ERG: variants seen among roughly 807,000 people sequenced by gnomAD.
The protein encoded by ERG is transcriptional regulator ERG.
ERG carries 9 observed loss-of-function variants against 55.3 expected under a neutral mutation model. That is an observed-to-expected ratio of 0.16 (90% CI 0.10 to 0.28). The LOEUF is 0.28. Ranked by LOEUF, ERG falls within the 10% of genes least tolerant of loss-of-function variation. The pLI is 1.00. For missense variants in ERG, 434 were observed against 631.6 expected, an observed-to-expected ratio of 0.69 and a Z score of 3.35; for synonymous variants, 223 against 237.3, an observed-to-expected ratio of 0.94 and a Z score of 0.55.
At chr21:38,501,346 C>T (rs893158724), upstream of ERG, among the ~76,000 whole-genome samples, 5 of 151,610 alleles carry the variant, frequency 3.3e-5, no homozygotes, top group East Asian at 1.9e-4. Flanking sequence ...GGATTAAAGA[C>T]GTGAACCACC....
At chr21:38,545,049 GTC>G (rs1248756435) in intron 2 of ERG, among the ~76,000 whole-genome samples, 4 of 152,162 alleles carry the variant, frequency 2.6e-5, no homozygotes, top group Non-Finnish European at 4.4e-5. Context: ...AATACTGTCT[GTC>G]TCTACCACAA....
upstream of ERG, among the ~76,000 whole-genome samples, chr21:38,501,160 G>A (rs3787907): frequency 0.25 from 36,768 of 145,824 alleles, 5,148 homozygotes; most frequent in African/African-American, 0.4. Flanking sequence ...CCGCCTCCCA[G>A]CTTCACGCCA....
intron 2 of ERG, among the ~76,000 whole-genome samples, chr21:38,521,637 T>C (rs1034217791): frequency 2.0e-5 from 3 of 152,120 alleles, no homozygotes; most frequent in African/African-American, 7.2e-5. Flanking sequence ...GTTCATTGAA[T>C]TTGCTTGCAA....
intron 1 of ERG, among the ~76,000 whole-genome samples, chr21:38,576,963 T>A (rs1056462987): frequency 6.6e-6 from 1 of 152,242 alleles, no homozygotes; most frequent in African/African-American, 2.4e-5. Context: ...AGCCAAGCCA[T>A]CAGTTCTTTT....
At chr21:38,536,024 GGTTATTA>G (rs1157221351) in intron 2 of ERG, among the ~76,000 whole-genome samples, 5 of 151,974 alleles carry the variant, frequency 3.3e-5, no homozygotes, top group Non-Finnish European at 7.4e-5. Context: ...CCCAATCTTG[GGTTATTA>G]CATCTGACGG....
intron 2 of ERG, among the ~76,000 whole-genome samples, chr21:38,514,179 A>G (rs1011481943): frequency 6.6e-5 from 10 of 151,868 alleles, no homozygotes; most frequent in Admixed American, 1.3e-4. Flanking sequence ...AAAAAGAAAG[A>G]AAGTTCCAGG....
At chr21:38,587,287 C>T (rs76782582), upstream of ERG, among the ~76,000 whole-genome samples, 3,908 of 152,048 alleles carry the variant, frequency 0.026, 185 homozygotes, top group African/African-American at 0.09. Flanking sequence ...CTTCCCTGCT[C>T]GGCAGCCTGA....
chr21:38,497,373 TAA>T (rs2059388305), intron 1 of ERG, among the ~76,000 whole-genome samples: 1 of 152,202 alleles, frequency 6.6e-6, no homozygotes, highest in African/African-American at 2.4e-5. Flanking sequence ...GCAGCAAAAC[TAA>T]AGACATGCAA....
intron 1 of ERG, among the ~76,000 whole-genome samples, chr21:38,583,750 T>C (rs2060044647): frequency 6.6e-6 from 1 of 152,104 alleles, no homozygotes; most frequent in African/African-American, 2.4e-5. Context: ...GGACAAGATT[T>C]AAAGACAGAC....
At chr21:38,542,834 T>C (rs1351587337) in intron 2 of ERG, among the ~76,000 whole-genome samples, 1 of 152,206 alleles carries the variant, frequency 6.6e-6, no homozygotes, top group Non-Finnish European at 1.5e-5. Flanking sequence ...CCCACAGACA[T>C]ATAAGCAATG....
chr21:38,439,581 C>T (rs370483888), intron 2 of ERG, among the ~76,000 whole-genome samples: 5 of 152,204 alleles, frequency 3.3e-5, no homozygotes, highest in Non-Finnish European at 1.5e-5. Context: ...TGTGGACCAC[C>T]GAAGCTGAAA....
intron 3 of ERG, among the ~76,000 whole-genome samples, chr21:38,422,352 T>C (rs1015003746): frequency 1.3e-5 from 2 of 152,244 alleles, no homozygotes; most frequent in Admixed American, 6.5e-5. Context: ...TTTAATCCAA[T>C]GCCAACAGGC....
chr21:38,603,861 T>C (rs1220603549), intron 1 of ERG, among the ~76,000 whole-genome samples: 2 of 152,008 alleles, frequency 1.3e-5, no homozygotes, highest in African/African-American at 4.8e-5. Context: ...GTGTCCTTTA[T>C]TTGCTGAAAT....
intron 1 of ERG, chr21:38,471,816 AT>A (rs2059141827): frequency 1.3e-5 from 2 of 152,216 alleles, no homozygotes; most frequent in South Asian, 4.1e-4. Flanking sequence ...TCCTTTTCTA[AT>A]TACACGTGAA....
intron 1 of ERG, among the ~76,000 whole-genome samples, chr21:38,482,839 C>A (rs2059250291): frequency 6.6e-6 from 1 of 151,958 alleles, no homozygotes; most frequent in Non-Finnish European, 1.5e-5. Context: ...GACCACACCC[C>A]ACTAATTATT....
chr21:38,598,718 C>T (rs2060146184), intron 1 of ERG, among the ~76,000 whole-genome samples: 1 of 152,168 alleles, frequency 6.6e-6, no homozygotes, highest in Admixed American at 6.5e-5. Flanking sequence ...AGAAACTGGT[C>T]AATGCTGAGT....
chr21:38,423,083 T>TTGTGTG (rs1989618312), intron 3 of ERG, among the ~76,000 whole-genome samples: 2 of 90,704 alleles, frequency 2.2e-5, no homozygotes, highest in South Asian at 4.3e-4. Flanking sequence ...TCTCCATACG[T>TTGTGTG]AGTGTGTGTG....
chr21:38,454,899 C>T (rs77324837), intron 1 of ERG, among the ~76,000 whole-genome samples: 1,876 of 152,208 alleles, frequency 0.012, 39 homozygotes, highest in African/African-American at 0.043. Flanking sequence ...GATTTATAGC[C>T]TTTTTGGTCC....
chr21:38,510,181 T>C (rs2059500499), intron 2 of ERG, among the ~76,000 whole-genome samples: 1 of 152,186 alleles, frequency 6.6e-6, no homozygotes. Flanking sequence ...TTTAAAGAAG[T>C]CAAGTTATCA....
Sources: gnomAD v4.1 joint callset for allele counts (sites outside exome capture counted in the v4.1 genomes callset) on GRCh38, gnomAD v4.1.1 for gene constraint, MANE v1.5 for transcripts, NCBI Gene and HGNC (gene_info 2026-07-23, HGNC 2026-07-21) for gene names.